Variants in DHRS7B observed in about 807,000 individuals in gnomAD.
The protein encoded by DHRS7B is dehydrogenase/reductase 7B, also known as peroxisomal reductase activating PPAR-gamma.
In DHRS7B, 24 loss-of-function variants were observed where a neutral mutation model predicts 26.4. The observed-to-expected ratio is 0.91, with a 90% CI of 0.66 to 1.28. DHRS7B has a LOEUF of 1.28. Among genes scored for constraint, DHRS7B ranks in the 50% most tolerant of loss-of-function variants. The pLI is 0.00. For synonymous variants in DHRS7B, 142 were observed against 166.4 expected, an observed-to-expected ratio of 0.85 and a Z score of 1.13; for missense variants, 368 against 419.4, an observed-to-expected ratio of 0.88 and a Z score of 1.07.
intron 5 of DHRS7B, among the ~76,000 whole-genome samples, chr17:21,185,223 C>G (rs1196526013): frequency 1.3e-5 from 2 of 152,238 alleles, no homozygotes; most frequent in Admixed American, 1.3e-4. Context: ...AAAGGAAATA[C>G]TGCCTATACC....
intron 5 of DHRS7B, among the ~76,000 whole-genome samples, chr17:21,184,780 AGGC>A: frequency 6.6e-6 from 1 of 152,220 alleles, no homozygotes; most frequent in African/African-American, 2.4e-5. Context: ...ACTAAGCACT[AGGC>A]ATGTGCTAGC....
At chr17:21,155,107 T>A (rs896041498) in intron 1 of DHRS7B, among the ~76,000 whole-genome samples, 6 of 152,018 alleles carry the variant, frequency 3.9e-5, no homozygotes, top group African/African-American at 1.4e-4. Flanking sequence ...GAAAAAAAAT[T>A]AACGAATATG....
At chr17:21,166,117 C>T in intron 1 of DHRS7B, 1 of 984,422 alleles carries the variant, frequency 1.0e-6, no homozygotes. Context: ...GGCTTTGGCA[C>T]CTTTCTCCGC....
intron 1 of DHRS7B, among the ~76,000 whole-genome samples, chr17:21,136,246 G>C (rs1175119351): frequency 6.7e-6 from 1 of 148,568 alleles, no homozygotes; most frequent in East Asian, 2.0e-4. Flanking sequence ...AGGTTGCAGT[G>C]AGCCGAGATC....
chr17:21,132,423 C>T (rs1316571085), intron 1 of DHRS7B, among the ~76,000 whole-genome samples: 2 of 148,496 alleles, frequency 1.3e-5, no homozygotes, highest in East Asian at 4.0e-4. Flanking sequence ...CCTAGCTACT[C>T]AGGAGACTGA....
chr17:21,173,873 G>A (rs960787924), intron 2 of DHRS7B, among the ~76,000 whole-genome samples: 4 of 152,114 alleles, frequency 2.6e-5, no homozygotes, highest in East Asian at 1.9e-4. Context: ...GCTCTGAGTC[G>A]CAAGTGCTCC....
intron 1 of DHRS7B, among the ~76,000 whole-genome samples, chr17:21,150,125 A>AC (rs199957355): frequency 0.018 from 2,689 of 150,130 alleles, 60 homozygotes; most frequent in Middle Eastern, 0.062. Flanking sequence ...AAAAAAAAAA[A>AC]AAAAAAACTA....
intron 1 of DHRS7B, among the ~76,000 whole-genome samples, chr17:21,140,479 TACACACACACACACACACACACACACAC>T (rs4020775): frequency 1.1e-4 from 9 of 83,688 alleles, no homozygotes; most frequent in Admixed American, 1.0e-3. Context: ...GCCTTTTAAA[TACACACACACACACACACACACACACAC>T]ACACACACAC....
intron 1 of DHRS7B, among the ~76,000 whole-genome samples, chr17:21,139,717 A>G (rs1973446810): frequency 6.6e-6 from 1 of 152,122 alleles, no homozygotes; most frequent in African/African-American, 2.4e-5. Flanking sequence ...CTTGATTAAT[A>G]AATGCAAGCA....
intron 2 of DHRS7B, 176 bp downstream of exon 2, chr17:21,172,372 G>A: frequency 3.4e-6 from 2 of 582,956 alleles, no homozygotes; most frequent in Non-Finnish European, 5.5e-6. Flanking sequence ...CAGGAGCCAA[G>A]GCACAGTGAG....
chr17:21,132,360 TATAG>T (rs1195637838), intron 1 of DHRS7B, among the ~76,000 whole-genome samples: 8 of 146,976 alleles, frequency 5.4e-5, no homozygotes, highest in South Asian at 2.1e-4. Context: ...TATATATATA[TATAG>T]ATAGATAGAT....
chr17:21,156,067 G>C (rs1374628565), intron 1 of DHRS7B, among the ~76,000 whole-genome samples: 1 of 151,924 alleles, frequency 6.6e-6, no homozygotes, highest in Non-Finnish European at 1.5e-5. Context: ...AAAAAGAAGA[G>C]AAAATTAAAT....
chr17:21,178,390 C>T, intron 3 of DHRS7B, 48 bp downstream of exon 3: 2 of 1,486,240 alleles, frequency 1.3e-6, no homozygotes, highest in Non-Finnish European at 1.9e-6. Flanking sequence ...AGGCCGTCTT[C>T]TGTAGGCACT....
At chr17:21,188,153 C>G (rs957234663) in intron 5 of DHRS7B, among the ~76,000 whole-genome samples, 7 of 152,118 alleles carry the variant, frequency 4.6e-5, no homozygotes, top group African/African-American at 1.7e-4. Flanking sequence ...CCCAGCTTAA[C>G]TTTTAACTTG....
At chr17:21,147,912 G>C (rs1355713866) in intron 1 of DHRS7B, among the ~76,000 whole-genome samples, 3 of 152,048 alleles carry the variant, frequency 2.0e-5, no homozygotes, top group African/African-American at 7.2e-5. Context: ...GGCACAGTGT[G>C]GGAGGATCAA....
chr17:21,132,530 C>CAAAAAAA, intron 1 of DHRS7B, among the ~76,000 whole-genome samples: 1 of 81,700 alleles, frequency 1.2e-5, no homozygotes, highest in Non-Finnish European at 2.1e-5. Flanking sequence ...GACCTTGTCT[C>CAAAAAAA]AAAAAAAAAA....
intron 1 of DHRS7B, among the ~76,000 whole-genome samples, chr17:21,167,832 G>C (rs1974147520): frequency 6.6e-6 from 1 of 152,110 alleles, no homozygotes; most frequent in Non-Finnish European, 1.5e-5. Context: ...AAGGATTTTG[G>C]TATAAAATGC....
At chr17:21,173,523 A>C (rs1176038899) in intron 2 of DHRS7B, among the ~76,000 whole-genome samples, 1 of 152,196 alleles carries the variant, frequency 6.6e-6, no homozygotes, top group African/African-American at 2.4e-5. Context: ...GTAGGGACTT[A>C]TACAGTTGGG....
chr17:21,185,100 C>T (rs917459813), intron 5 of DHRS7B, among the ~76,000 whole-genome samples: 7 of 152,130 alleles, frequency 4.6e-5, no homozygotes, highest in Non-Finnish European at 7.4e-5. Context: ...CAGCAGTGTG[C>T]TGTGTAGAAC....
Sources: gnomAD v4.1 joint callset for allele counts (sites outside exome capture counted in the v4.1 genomes callset) on GRCh38, gnomAD v4.1.1 for gene constraint, MANE v1.5 for transcripts, NCBI Gene and HGNC (gene_info 2026-07-23, HGNC 2026-07-21) for gene names.